The following FGF12 variants were observed in gnomAD, a reference collection of about 807,000 sequenced individuals.
FGF12 encodes fibroblast growth factor 12B.
A neutral mutation model predicts 23.6 loss-of-function variants in FGF12; 14 were observed. The ratio of observed to expected loss-of-function variants is 0.59; its 90% CI spans 0.39 to 0.93. The LOEUF (loss-of-function observed/expected upper bound fraction) is 0.93. Ranked by LOEUF, FGF12 falls within the 40% of genes least tolerant of loss-of-function variation. The probability of loss-of-function intolerance (pLI) is 0.00; values close to 1 mark genes in which losing one functional copy is unlikely to be tolerated. For missense variants in FGF12, 175 were observed against 217.8 expected, an observed-to-expected ratio of 0.80 and a Z score of 1.24; for synonymous variants, 62 against 77.3, an observed-to-expected ratio of 0.80 and a Z score of 1.04.
At chr3:192,313,752 T>C (rs1243611412) in intron 4 of FGF12, among the ~76,000 whole-genome samples, 2 of 152,226 alleles carry the variant, frequency 1.3e-5, no homozygotes, top group African/African-American at 2.4e-5. Flanking sequence ...AGACTATGTA[T>C]GCATATCTAT....
At chr3:192,167,887 C>T (rs1417759020) in intron 5 of FGF12, among the ~76,000 whole-genome samples, 1 of 149,156 alleles carries the variant, frequency 6.7e-6, no homozygotes, top group Non-Finnish European at 1.5e-5. Context: ...CTGCCTCAGT[C>T]TCCTGAGTAG....
rs77300487 is a variant in FGF12 at position 192,351,810 on chromosome 3, A to C, written c.124+8618T>G. On this transcript the variant is annotated intron_variant, in intron 3 of 5. Coordinates refer to ENST00000445105, the MANE Select transcript of FGF12 (RefSeq NM_004113.6). ...CAAATACAGCAGAGTGAAGTGAGTG[A>C]GCGTGGGGTTCTGTATGGGGGTGAC... Among the ~76,000 whole-genome samples, 1,362 of 152,290 alleles carry C rather than the reference A, an allele frequency of 8.9e-3. 6 individuals are homozygous for C. The highest frequency in any genetic ancestry group is 0.015 in the Non-Finnish European group (1,014 of 68,020).
At chr3:192,510,480 C>G (rs1047633220) in intron 2 of FGF12, among the ~76,000 whole-genome samples, 1 of 152,126 alleles carries the variant, frequency 6.6e-6, no homozygotes, top group African/African-American at 2.4e-5. Flanking sequence ...ACAACACTGA[C>G]AAAAATGTGG....
chr3:192,366,630 C>T (rs1253279064), intron 2 of FGF12, among the ~76,000 whole-genome samples: 3 of 152,124 alleles, frequency 2.0e-5, no homozygotes, highest in Non-Finnish European at 2.9e-5. Flanking sequence ...CAGCCACTCC[C>T]TAGTACTGTT....
intron 2 of FGF12, among the ~76,000 whole-genome samples, chr3:192,596,336 T>C (rs1713854441): frequency 6.6e-6 from 1 of 152,046 alleles, no homozygotes; most frequent in Admixed American, 6.6e-5. Flanking sequence ...AAAGAAATCC[T>C]AGTAGCCTCC....
intron 2 of FGF12, among the ~76,000 whole-genome samples, chr3:192,578,155 T>C (rs937926875): frequency 6.6e-6 from 1 of 152,242 alleles, no homozygotes. Flanking sequence ...GTTACCTGTG[T>C]AATATCAAAT....
chr3:192,246,859 GAGAGAGAGAGAAAGAA>G (rs1006388167), intron 4 of FGF12, among the ~76,000 whole-genome samples: 10 of 147,090 alleles, frequency 6.8e-5, no homozygotes, highest in Admixed American at 2.1e-4. Flanking sequence ...AGAGGAAAGA[GAGAGAGAGAGAAAGAA>G]AGAGAGAGAA....
At chr3:192,375,618 G>C (rs559245388) in intron 2 of FGF12, among the ~76,000 whole-genome samples, 9 of 152,000 alleles carry the variant, frequency 5.9e-5, no homozygotes, top group Non-Finnish European at 1.2e-4. Flanking sequence ...TATTATGATA[G>C]ATTTACAAAC....
At chr3:192,173,285 C>A (rs1715669351) in intron 4 of FGF12, among the ~76,000 whole-genome samples, 1 of 150,566 alleles carries the variant, frequency 6.6e-6, no homozygotes. Flanking sequence ...ACGTGGCATT[C>A]AATTGATATC....
chr3:192,587,470 T>A (rs1713419601), intron 2 of FGF12, among the ~76,000 whole-genome samples: 1 of 151,930 alleles, frequency 6.6e-6, no homozygotes, highest in South Asian at 2.1e-4. Context: ...ATGTCAGCCT[T>A]ATGTTTACAT....
At chr3:192,212,956 C>G (rs963091378) in intron 4 of FGF12, among the ~76,000 whole-genome samples, 15 of 152,314 alleles carry the variant, frequency 9.8e-5, no homozygotes, top group African/African-American at 3.4e-4. Context: ...GTGGCAGCTG[C>G]TCTTGTCAGA....
intron 2 of FGF12, among the ~76,000 whole-genome samples, chr3:192,463,040 A>G (rs1722907826): frequency 6.6e-6 from 1 of 152,202 alleles, no homozygotes; most frequent in African/African-American, 2.4e-5. Context: ...ATAAATCCCC[A>G]GGTATAGAGG....
At chr3:192,506,898 T>TC (rs1724322625) in intron 2 of FGF12, among the ~76,000 whole-genome samples, 1 of 151,362 alleles carries the variant, frequency 6.6e-6, no homozygotes, top group Admixed American at 6.6e-5. Flanking sequence ...CTCAGTTTTT[T>TC]TTTTTTTTTT....
At chr3:192,195,515 T>C (rs1378389810) in intron 4 of FGF12, among the ~76,000 whole-genome samples, 2 of 152,210 alleles carry the variant, frequency 1.3e-5, no homozygotes, top group Non-Finnish European at 2.9e-5. Flanking sequence ...ATTCCATAAA[T>C]GGACAGGTTT....
chr3:192,262,203 C>T (rs1221747594), intron 4 of FGF12, among the ~76,000 whole-genome samples: 1 of 152,132 alleles, frequency 6.6e-6, no homozygotes, highest in Non-Finnish European at 1.5e-5. Context: ...TCCCCACGTG[C>T]AGCTTTTGAC....
chr3:192,533,883 G>C (rs764880693), intron 2 of FGF12: 1 of 152,128 alleles, frequency 6.6e-6, no homozygotes. Flanking sequence ...TATAAAAATT[G>C]GATGAAGCAA....
intron 2 of FGF12, among the ~76,000 whole-genome samples, chr3:192,654,054 C>A (rs968074596): frequency 1.3e-5 from 2 of 152,124 alleles, no homozygotes; most frequent in East Asian, 1.9e-4. Flanking sequence ...GGTGAGTGTG[C>A]CACTCAGACT....
chr3:192,562,696 C>G (rs1712097961), intron 2 of FGF12, among the ~76,000 whole-genome samples: 1 of 150,626 alleles, frequency 6.6e-6, no homozygotes, highest in South Asian at 2.1e-4. Flanking sequence ...AATTTGGGTA[C>G]AGAAGATAAA....
At chr3:192,498,006 A>ACG (rs3074671) in intron 2 of FGF12, among the ~76,000 whole-genome samples, 1 of 4,496 alleles carries the variant, frequency 2.2e-4, no homozygotes, top group Non-Finnish European at 1.3e-3. Flanking sequence ...TAAATGAAAG[A>ACG]GCAAATTCAT....
Sources: gnomAD v4.1 joint callset for allele counts (sites outside exome capture counted in the v4.1 genomes callset) on GRCh38, gnomAD v4.1.1 for gene constraint, MANE v1.5 for transcripts, NCBI Gene and HGNC (gene_info 2026-07-23, HGNC 2026-07-21) for gene names.